Variants in LSM3 observed in about 807,000 individuals in gnomAD.
LSM3 encodes the protein U6 snRNA-associated Sm-like protein LSm3.
LSM3 carries 14 observed loss-of-function variants against 15.4 expected under a neutral mutation model. The observed-to-expected ratio is 0.91, with a 90% confidence interval of 0.60 to 1.42. The LOEUF is 1.42. Among genes scored for constraint, LSM3 ranks in the 40% most tolerant of loss-of-function variants. The probability of loss-of-function intolerance (pLI) is 0.00; values close to 1 mark genes in which losing one functional copy is unlikely to be tolerated. For missense variants in LSM3, 88 were observed against 127.9 expected (o/e 0.69, Z 1.50); for synonymous variants, 46 against 45.1 (o/e 1.02, Z -0.08).
intron 3 of LSM3, among the ~76,000 whole-genome samples, chr3:14,184,987 G>A (rs1352471345): frequency 6.6e-6 from 1 of 152,018 alleles, no homozygotes; most frequent in African/African-American, 2.4e-5. Flanking sequence ...AATCTTGGAG[G>A]CGGAGGTTGC....
At chr3:14,189,982 T>G (rs915408543) in intron 3 of LSM3, among the ~76,000 whole-genome samples, 7 of 152,200 alleles carry the variant, frequency 4.6e-5, no homozygotes, top group African/African-American at 1.7e-4. Flanking sequence ...GTAAAAGGTG[T>G]AAGGAAGGGA....
rs1226886986 is a variant in LSM3 at position 14,184,002 on chromosome 3, T to C, written c.198T>C (p.Ile66=). ...AAGAAACTGTGACTACTATAGAAATTGATGAAGAAACATATGAAGAGATAT... is the reference window on the plus strand; with the variant it reads ...AAGAAACTGTGACTACTATAGAAATCGATGAAGAAACATATGAAGAGATAT... ...DVEETVTTIE[I]DEETYEEIYK... The change falls in exon 3 of 4, where the codon ATT becomes ATC. Residue 66 remains isoleucine (I), a synonymous_variant. Coordinates refer to ENST00000306024, the MANE Select transcript of LSM3 (RefSeq NM_014463.3). 1 of 1,609,240 alleles carries C rather than the reference T, an allele frequency of 6.2e-7. No homozygotes were observed. The highest frequency in any genetic ancestry group is 1.7e-5 in the Admixed American group (1 of 59,378).
chr3:14,188,376 T>G (rs187316374), intron 3 of LSM3, among the ~76,000 whole-genome samples: 170 of 152,318 alleles, frequency 1.1e-3, no homozygotes, highest in South Asian at 1.9e-3. Context: ...ACTTAACACA[T>G]ATTTCTTTTC....
At chr3:14,183,600 C>G (rs904976445) in intron 2 of LSM3, among the ~76,000 whole-genome samples, 1 of 152,248 alleles carries the variant, frequency 6.6e-6, no homozygotes. Flanking sequence ...GATGAATCTG[C>G]TGTTTTTCAT....
intron 3 of LSM3, among the ~76,000 whole-genome samples, chr3:14,189,520 T>C (rs1574989269): frequency 6.6e-6 from 1 of 152,250 alleles, no homozygotes; most frequent in Admixed American, 6.5e-5. Flanking sequence ...TGGTATCTCA[T>C]TGTGGCTTTG....
At chr3:14,188,184 G>C (rs937189306) in intron 3 of LSM3, among the ~76,000 whole-genome samples, 1 of 152,118 alleles carries the variant, frequency 6.6e-6, no homozygotes, top group African/African-American at 2.4e-5. Flanking sequence ...TGGCTATTTG[G>C]CACTTCAAAT....
chr3:14,196,678 A>T (rs1015498057), intron 3 of LSM3, among the ~76,000 whole-genome samples: 5 of 152,206 alleles, frequency 3.3e-5, no homozygotes, highest in Non-Finnish European at 7.3e-5. Context: ...AATGTTTGGA[A>T]CTTATACTAA....
chr3:14,196,457 G>A (rs1697188758), intron 3 of LSM3, among the ~76,000 whole-genome samples: 1 of 152,162 alleles, frequency 6.6e-6, no homozygotes, highest in African/African-American at 2.4e-5. Context: ...TATCCCCAAA[G>A]AAGATGAATA....
At chr3:14,186,906 A>G (rs1697094991) in intron 3 of LSM3, among the ~76,000 whole-genome samples, 1 of 152,232 alleles carries the variant, frequency 6.6e-6, no homozygotes, top group South Asian at 2.1e-4. Flanking sequence ...TGATACCTTA[A>G]ATGTGATAAA....
At chr3:14,191,889 A>G (rs1296767425) in intron 3 of LSM3, among the ~76,000 whole-genome samples, 1 of 151,918 alleles carries the variant, frequency 6.6e-6, no homozygotes, top group African/African-American at 2.4e-5. Context: ...TCAATTTTAG[A>G]TCTTTCCTGC....
rs1308706621 is a variant in LSM3, at chr3:14,200,372, T to C, written c.*2256T>C. ...GGCCCTGCCATGGTCCACACTGAGG[T>C]TTCCTCTGCAGTGGTGCTGTCCACT... On this transcript the variant is annotated 3_prime_UTR_variant, in exon 4 of 4. Transcript: ENST00000306024. 3 of 151,998 alleles carry C rather than the reference T, an allele frequency of 2.0e-5. No homozygotes were observed. Among genetic ancestry groups the C allele is most frequent in the African/African-American group, 7.3e-5 (3 of 41,316 alleles). The allele number at this position is 151,998 out of a possible 1,614,324, so 9.4% of individuals were successfully genotyped here.
At chr3:14,180,475 G>A (rs148451219) in intron 1 of LSM3, among the ~76,000 whole-genome samples, 1 of 152,098 alleles carries the variant, frequency 6.6e-6, no homozygotes, top group Non-Finnish European at 1.5e-5. Flanking sequence ...TTTTCGTAGA[G>A]ATGGGGTTTC....
In LSM3 at chr3:14,181,574, C is replaced by T. The variant is rs34724908; in HGVS notation, c.36C>T (p.Asn12=). 5,851 of 1,611,216 alleles carry T rather than the reference C, an allele frequency of 3.6e-3. 201 individuals carry two copies. The African/African-American group carries it at 0.069, about 19-fold the overall frequency. The part of the protein sequence containing the change: ...ADDVDQQQTT[N]TVEEPLDLIR... Reference sequence around the variant, plus strand: ...TCTTTTATCAGCAACAAACTACCAACACTGTAGAGGAGCCCCTGGATCTTA... The same window carrying T: ...TCTTTTATCAGCAACAAACTACCAATACTGTAGAGGAGCCCCTGGATCTTA... Residue 12 remains asparagine (N), a synonymous_variant, in exon 2 of 4, where the codon AAC becomes AAT. Transcript: ENST00000306024.
chr3:14,178,905 C>T lies in LSM3; in HGVS notation c.21+24C>T, dbSNP rs1287206057. On this transcript the variant is annotated intron_variant, in intron 1 of 3. Coordinates refer to ENST00000306024, the MANE Select transcript of LSM3 (RefSeq NM_014463.3). ...AGGTAAGTGTATTTTAAGGAGGTCG[C>T]TCGAAGGAGCTTCTTGTACTAGGCT... 6.8e-6 allele frequency: 11 copies of T among 1,613,698 alleles called. No individual in the cohort carries two copies. In the Middle Eastern group the frequency reaches 8.3e-4, roughly 122 times the overall value.
intron 3 of LSM3, among the ~76,000 whole-genome samples, chr3:14,187,164 G>T (rs1697096790): frequency 6.6e-6 from 1 of 152,184 alleles, no homozygotes; most frequent in South Asian, 2.1e-4. Context: ...TCCAAGTGCG[G>T]TTCCTCCTGA....
intron 3 of LSM3, among the ~76,000 whole-genome samples, chr3:14,191,036 T>C (rs1216291752): frequency 6.6e-6 from 1 of 152,228 alleles, no homozygotes; most frequent in African/African-American, 2.4e-5. Flanking sequence ...CTGCATCTAC[T>C]GGCATAATCA....
In LSM3 at chr3:14,192,967, G is replaced by A. The variant is rs564368704; in HGVS notation, c.229-5069G>A. Among the ~76,000 whole-genome samples the A allele has an allele frequency of 3.3e-5, 5 of 152,174 alleles. No individual in the cohort carries two copies. In the East Asian group the frequency reaches 9.6e-4, roughly 29 times the overall value. ...TCTTTCAGGAGCTCTTGTGAGGCAGGCCTGGTGGTGACAAAATCCCTCAGC... is the reference window on the plus strand; with the variant it reads ...TCTTTCAGGAGCTCTTGTGAGGCAGACCTGGTGGTGACAAAATCCCTCAGC... On this transcript the variant is annotated intron_variant, in intron 3 of 3. Coordinates refer to ENST00000306024, the MANE Select transcript of LSM3 (RefSeq NM_014463.3).
At position 14,178,840 on chromosome 3, in the gene LSM3, A is replaced by T. The variant is rs760506178; in HGVS notation, c.-21A>T. The T allele has an allele frequency of 6.2e-7, 1 of 1,614,072 alleles. No individual in the cohort carries two copies. Among genetic ancestry groups the T allele is most frequent in the Non-Finnish European group, 8.5e-7 (1 of 1,179,972 alleles). ...CTCTTGTGTTCTCGCGAGAGGCGGG[A>T]AAGGGCGCAGGGTTTGAAACATGGC... On this transcript the variant is annotated 5_prime_UTR_variant, in exon 1 of 4. Transcript: ENST00000306024.
chr3:14,184,056 T>C, intron 3 of LSM3, 24 bp downstream of exon 3: 2 of 1,589,614 alleles, frequency 1.3e-6, no homozygotes, highest in East Asian at 4.5e-5. Context: ...TTCTATTCAT[T>C]GCTTTGCAAA....
Sources: allele counts gnomAD v4.1 joint callset (sites outside exome capture counted in the v4.1 genomes callset), GRCh38; gene constraint gnomAD v4.1.1; transcripts MANE v1.5; gene names NCBI Gene and HGNC (gene_info 2026-07-23, HGNC 2026-07-21).